Variants in TNKS observed in about 807,000 individuals in gnomAD.
TNKS encodes the protein poly [ADP-ribose] polymerase tankyrase-1.
TNKS carries 72 observed loss-of-function variants against 135.8 expected under a neutral mutation model. That is an observed-to-expected ratio of 0.53 (90% CI 0.44 to 0.64). The LOEUF is 0.64. TNKS is among the 30% of genes least tolerant of loss of function. The pLI is 0.00. For synonymous variants in TNKS, 849 were observed against 649.3 expected (o/e 1.31, Z -4.68); for missense variants, 1,769 against 1,674.0 (o/e 1.06, Z -0.99).
intron 5 of TNKS, among the ~76,000 whole-genome samples, chr8:9,690,578 G>A (rs1301468787): frequency 6.6e-6 from 1 of 152,100 alleles, no homozygotes; most frequent in Non-Finnish European, 1.5e-5. Context: ...TGGCCAACAT[G>A]GTAAAACCCT....
intron 1 of TNKS, among the ~76,000 whole-genome samples, chr8:9,561,651 G>T (rs139188047): frequency 2.6e-5 from 4 of 152,154 alleles, no homozygotes; most frequent in Middle Eastern, 3.4e-3. Context: ...GAATAAAGTC[G>T]CAATGAACAT....
chr8:9,759,905 G>T (rs1807050994), intron 20 of TNKS, among the ~76,000 whole-genome samples: 1 of 152,022 alleles, frequency 6.6e-6, no homozygotes, highest in Non-Finnish European at 1.5e-5. Context: ...AACCCAGGAG[G>T]CGGAGGTTGC....
chr8:9,767,106 A>T lies in TNKS; in HGVS notation c.3740+681A>T, dbSNP rs563736566. ...CACATTTGAATGAAGACACACTTCT[A>T]TAAAAAACATAGACTCTTTAATTTA... is the stretch of plus-strand genomic sequence containing the variant. On this transcript the variant is annotated intron_variant, in intron 25 of 26. Coordinates refer to ENST00000310430, the MANE Select transcript of TNKS (RefSeq NM_003747.3). Among the ~76,000 whole-genome samples, 10 of 152,338 alleles carry T rather than the reference A, an allele frequency of 6.6e-5. No individual in the cohort carries two copies. The South Asian group carries it at 1.4e-3, about 22-fold the overall frequency.
rs182806871 is a variant in TNKS at position 9,562,277 on chromosome 8, G to A, written c.673+5665G>A. Among the ~76,000 whole-genome samples the A allele has an allele frequency of 3.1e-3, 468 of 152,024 alleles. 2 individuals are homozygous for A. The highest frequency in any genetic ancestry group is 5.1e-3 in the Non-Finnish European group (344 of 67,994). On this transcript the variant is annotated intron_variant, in intron 1 of 26. Coordinates refer to ENST00000310430, the MANE Select transcript of TNKS (RefSeq NM_003747.3). The stretch of plus-strand genomic sequence containing the variant: ...ATAAATGTGCTAATATTTTCTCCCA[G>A]GCTATGAATTACTGATTAATTTTCT...
chr8:9,560,799 G>T (rs1218579321), intron 1 of TNKS, among the ~76,000 whole-genome samples: 1 of 151,626 alleles, frequency 6.6e-6, no homozygotes, highest in Non-Finnish European at 1.5e-5. Flanking sequence ...ATTATAAACT[G>T]GATTACCTTT....
intron 5 of TNKS, among the ~76,000 whole-genome samples, chr8:9,681,719 A>G (rs1802789393): frequency 6.6e-6 from 1 of 152,164 alleles, no homozygotes. Context: ...ACCCCTTAGA[A>G]ATAATAAATT....
intron 3 of TNKS, among the ~76,000 whole-genome samples, chr8:9,622,814 A>T (rs1284174043): frequency 6.6e-6 from 1 of 152,194 alleles, no homozygotes; most frequent in Non-Finnish European, 1.5e-5. Flanking sequence ...TAATAAATTG[A>T]TTCTTTGAAC....
chr8:9,760,981 C>G (rs1010483154), intron 20 of TNKS, among the ~76,000 whole-genome samples: 1 of 152,206 alleles, frequency 6.6e-6, no homozygotes, highest in Non-Finnish European at 1.5e-5. Context: ...CTTGAGATGT[C>G]AATCTCACTG....
chr8:9,772,455 T>C, intron 26 of TNKS: 1 of 453,064 alleles, frequency 2.2e-6, no homozygotes, highest in Non-Finnish European at 4.4e-6. Flanking sequence ...AATGTTTTAC[T>C]TTTTTTAATG....
At chr8:9,659,698 A>C (rs78145084) in intron 3 of TNKS, among the ~76,000 whole-genome samples, 40 of 152,078 alleles carry the variant, frequency 2.6e-4, no homozygotes, top group Non-Finnish European at 4.7e-4. Flanking sequence ...CAGCAAACAC[A>C]TTCAAAAGCT....
At chr8:9,679,732 C>G (rs1435938855) in intron 3 of TNKS, 4 of 497,648 alleles carry the variant, frequency 8.0e-6, no homozygotes, top group African/African-American at 1.9e-5. Flanking sequence ...GCTATTTCAT[C>G]TGAGGATTGG....
At position 9,671,763 on chromosome 8, in the gene TNKS, A is replaced by T. The variant is rs141059333; in HGVS notation, c.995-8188A>T. 6.0e-4 allele frequency among the ~76,000 whole-genome samples: 92 copies of T among 152,362 alleles called. No homozygotes were observed. The East Asian group carries it at 0.018, about 29-fold the overall frequency. On this transcript the variant is annotated intron_variant, in intron 3 of 26. Coordinates refer to ENST00000310430, the MANE Select transcript of TNKS (RefSeq NM_003747.3). The stretch of plus-strand genomic sequence containing the variant: ...CTATATGTAAATTATACTTCGAAAA[A>T]TGAATAAGAAAAGACACAGTTTAAT...
intron 26 of TNKS, among the ~76,000 whole-genome samples, chr8:9,771,591 G>C (rs1269179900): frequency 1.5e-5 from 2 of 129,424 alleles, no homozygotes; most frequent in African/African-American, 3.0e-5. Flanking sequence ...GAGAAAGGGA[G>C]AGGAAAGAAA....
intron 2 of TNKS, among the ~76,000 whole-genome samples, chr8:9,594,893 T>C (rs527541776): frequency 6.6e-6 from 1 of 152,306 alleles, no homozygotes; most frequent in South Asian, 2.1e-4. Flanking sequence ...TCACTGGACC[T>C]CTTGATTTAG....
intron 3 of TNKS, among the ~76,000 whole-genome samples, chr8:9,628,656 C>T (rs1358755869): frequency 6.6e-6 from 1 of 152,036 alleles, no homozygotes; most frequent in African/African-American, 2.4e-5. Context: ...GTGATTTCAT[C>T]GAGTCCATTT....
chr8:9,753,433 C>T (rs1400389541), intron 20 of TNKS, among the ~76,000 whole-genome samples: 3 of 152,158 alleles, frequency 2.0e-5, no homozygotes, highest in African/African-American at 4.8e-5. Context: ...TTCCAATAGA[C>T]CCACCCTATT....
chr8:9,668,461 T>C (rs1295862481), intron 3 of TNKS, among the ~76,000 whole-genome samples: 2 of 152,228 alleles, frequency 1.3e-5, no homozygotes, highest in South Asian at 2.1e-4. Flanking sequence ...ACTTCTGATG[T>C]ACACATAATG....
chr8:9,704,509 A>G (rs1325331955), intron 5 of TNKS, among the ~76,000 whole-genome samples, 154 bp from the exon 6 acceptor site: 1 of 152,190 alleles, frequency 6.6e-6, no homozygotes, highest in Non-Finnish European at 1.5e-5. Flanking sequence ...AGGGCAGTAA[A>G]TTATCTCTCC....
rs1201943631 is a variant in TNKS at position 9,779,235 on chromosome 8, G to C, written c.*2499G>C. 1 of 152,562 alleles carries C rather than the reference G, an allele frequency of 6.6e-6. No individual in the cohort carries two copies. Among genetic ancestry groups the C allele is most frequent in the African/African-American group, 2.4e-5 (1 of 41,432 alleles). 9.5% of individuals were successfully genotyped at this position (152,562 alleles called of 1,614,324 possible). ...TCATCATGAGTGCACTCAAAAGTTA[G>C]GACAAGTTTATTACATTTGGGATTT... is the stretch of plus-strand genomic sequence containing the variant. On this transcript the variant is annotated 3_prime_UTR_variant, in exon 27 of 27. Transcript: ENST00000310430.
Sources: gnomAD v4.1 joint callset for allele counts (sites outside exome capture counted in the v4.1 genomes callset) on GRCh38, gnomAD v4.1.1 for gene constraint, MANE v1.5 for transcripts, NCBI Gene and HGNC (gene_info 2026-07-23, HGNC 2026-07-21) for gene names.